The following SSBP2 variants were observed in gnomAD, a reference collection of about 807,000 sequenced individuals.
The protein encoded by SSBP2 is single stranded DNA binding protein 2.
Under a neutral mutation model 61.8 loss-of-function variants are expected in SSBP2, and 17 were observed. That is an observed-to-expected ratio of 0.28 (90% CI 0.19 to 0.41). SSBP2 has a LOEUF of 0.41. SSBP2 is among the 10% of genes least tolerant of loss of function. The pLI is 1.00. For missense variants in SSBP2, 310 were observed against 458.7 expected (o/e 0.68, Z 2.96); for synonymous variants, 139 against 141.3 (o/e 0.98, Z 0.12).
At chr5:81,551,352 T>C (rs1284809401) in intron 4 of SSBP2, among the ~76,000 whole-genome samples, 2 of 152,150 alleles carry the variant, frequency 1.3e-5, no homozygotes, top group Non-Finnish European at 2.9e-5. Flanking sequence ...ATATTCAACA[T>C]AAGCATAATC....
intron 1 of SSBP2, among the ~76,000 whole-genome samples, chr5:81,662,411 G>C (rs1320018921): frequency 3.3e-5 from 5 of 152,144 alleles, no homozygotes; most frequent in Admixed American, 3.3e-4. Flanking sequence ...AGGTTGCAGT[G>C]AGCTGAGATC....
rs1157006368 is a variant in SSBP2, at chr5:81,717,960, AGCTGACGCAT to A, written c.62+33011_62+33020del. 3.3e-5 allele frequency among the ~76,000 whole-genome samples: 5 copies of A among 152,186 alleles called. No homozygotes were observed. The South Asian group carries it at 1.0e-3, about 31-fold the overall frequency. On this transcript the variant is annotated intron_variant, in intron 1 of 16. Transcript: ENST00000320672. ...CGTAAAACAAATGTTGTCAATATAC[AGCTGACGCAT>A]GCTGGTGCCTCTTCAGACTTCACTT...
chr5:81,739,164 CAAAAAAAAAAAA>C (rs71000859), intron 1 of SSBP2, among the ~76,000 whole-genome samples: 9 of 51,100 alleles, frequency 1.8e-4, no homozygotes, highest in South Asian at 1.6e-3. Flanking sequence ...ACTCCATCTC[CAAAAAAAAAAAA>C]AAAAAAAAAA....
chr5:81,526,662 C>T (rs1234260305), intron 4 of SSBP2, among the ~76,000 whole-genome samples: 3 of 151,852 alleles, frequency 2.0e-5, no homozygotes, highest in Non-Finnish European at 4.4e-5. Flanking sequence ...TTTAAATCAA[C>T]CTTTTGAATT....
At chr5:81,613,610 T>C (rs575676614) in intron 4 of SSBP2, among the ~76,000 whole-genome samples, 1 of 152,340 alleles carries the variant, frequency 6.6e-6, no homozygotes, top group South Asian at 2.1e-4. Flanking sequence ...AGTATTTATA[T>C]GATTAATTTC....
At chr5:81,604,350 A>G (rs1163593823) in intron 4 of SSBP2, among the ~76,000 whole-genome samples, 2 of 151,956 alleles carry the variant, frequency 1.3e-5, no homozygotes, top group South Asian at 2.1e-4. Flanking sequence ...GTAACCTGAA[A>G]AGAAATTCTT....
In SSBP2 at chr5:81,729,197, CT is replaced by C. The variant is rs572346312; in HGVS notation, c.62+21783del. Among the ~76,000 whole-genome samples, 463 of 152,154 alleles carry C rather than the reference CT, an allele frequency of 3.0e-3. 3 individuals carry two copies. Among genetic ancestry groups the C allele is most frequent in the Non-Finnish European group, 5.9e-3 (403 of 67,990 alleles). On this transcript the variant is annotated intron_variant, in intron 1 of 16. Transcript: ENST00000320672. Reference sequence around the variant, plus strand: ...ATATGCTGTCCTCAATTTCTCAATACTTTCAAAGTGTTAAACTTACTCATTT... The same window carrying C: ...ATATGCTGTCCTCAATTTCTCAATACTTCAAAGTGTTAAACTTACTCATTT...
chr5:81,698,672 G>A (rs1424805984), intron 1 of SSBP2, among the ~76,000 whole-genome samples: 1 of 152,168 alleles, frequency 6.6e-6, no homozygotes, highest in Non-Finnish European at 1.5e-5. Flanking sequence ...ATTAACTGTG[G>A]TGGTGCATGC....
Position 81,601,356 on chromosome 5 carries a change from G to T in SSBP2, c.282+14117C>A, listed in dbSNP as rs534152625. ...ATAAAAGAGCAACAGGAGGATCCTT[G>T]TGGTTCTATATCTTGACTCAGGTAG... On this transcript the variant is annotated intron_variant, in intron 4 of 16. Transcript: ENST00000320672. Among the ~76,000 whole-genome samples the T allele has an allele frequency of 9.9e-5, 15 of 152,246 alleles. No homozygotes were observed. In the East Asian group the frequency reaches 2.9e-3, roughly 29 times the overall value.
chr5:81,419,144 G>T lies in SSBP2; in HGVS notation c.*1360C>A, dbSNP rs1204694230. ...ATAGAGCAAGGTGCTTTCCATAAGG[G>T]AATTAGATTAAAAAAAATTTACTTA... On this transcript the variant is annotated 3_prime_UTR_variant, in exon 17 of 17. Coordinates refer to ENST00000320672, the MANE Select transcript of SSBP2 (RefSeq NM_012446.5). The T allele has an allele frequency of 2.6e-5, 4 of 152,148 alleles. No individual in the cohort carries two copies. Among genetic ancestry groups the T allele is most frequent in the Non-Finnish European group, 5.9e-5 (4 of 68,026 alleles). The allele number at this position is 152,148 out of a possible 1,614,324, so 9.4% of individuals were successfully genotyped here. A position where few individuals can be genotyped will look rare whatever the true frequency, so the allele number is the denominator to read the frequency against.
At chr5:81,597,385 T>C (rs962601788) in intron 4 of SSBP2, among the ~76,000 whole-genome samples, 5 of 152,088 alleles carry the variant, frequency 3.3e-5, no homozygotes, top group African/African-American at 1.2e-4. Flanking sequence ...TGTGGAGAAA[T>C]AGGGACACTT....
intron 2 of SSBP2, among the ~76,000 whole-genome samples, chr5:81,639,847 A>G (rs1383355168): frequency 6.6e-6 from 1 of 152,188 alleles, no homozygotes; most frequent in African/African-American, 2.4e-5. Flanking sequence ...ACTTTTTAAA[A>G]GTTTTAAAAC....
intron 3 of SSBP2, chr5:81,615,988 C>T (rs1395505548): frequency 6.5e-6 from 1 of 154,644 alleles, no homozygotes; most frequent in African/African-American, 2.4e-5. Context: ...AGGCCAATAC[C>T]CTGACCATTA....
At chr5:81,653,719 T>A (rs1749960936) in intron 1 of SSBP2, among the ~76,000 whole-genome samples, 1 of 152,200 alleles carries the variant, frequency 6.6e-6, no homozygotes, top group African/African-American at 2.4e-5. Context: ...CTTTTTTTCA[T>A]GTTTGTTGGC....
chr5:81,565,095 T>C (rs1219201435), intron 4 of SSBP2, among the ~76,000 whole-genome samples: 1 of 152,222 alleles, frequency 6.6e-6, no homozygotes, highest in East Asian at 1.9e-4. Context: ...CCCTTTTCAA[T>C]AGTGATGCTT....
intron 4 of SSBP2, among the ~76,000 whole-genome samples, chr5:81,614,187 C>T (rs1242670185): frequency 6.6e-6 from 1 of 151,940 alleles, no homozygotes; most frequent in Admixed American, 6.5e-5. Flanking sequence ...GGTGAAACCC[C>T]GTTTCTACTA....
intron 10 of SSBP2, among the ~76,000 whole-genome samples, chr5:81,451,126 A>C (rs995657132): frequency 5.3e-5 from 8 of 152,202 alleles, no homozygotes; most frequent in African/African-American, 1.9e-4. Context: ...TTTTAAGCTA[A>C]CAGTGGTTTA....
chr5:81,457,941 T>A (rs1385867799), intron 10 of SSBP2, among the ~76,000 whole-genome samples: 4 of 152,114 alleles, frequency 2.6e-5, no homozygotes, highest in Non-Finnish European at 5.9e-5. Flanking sequence ...GGATTACAGG[T>A]GTGAGCCACT....
intron 1 of SSBP2, among the ~76,000 whole-genome samples, chr5:81,745,369 G>A (rs534645378): frequency 6.6e-6 from 1 of 152,166 alleles, no homozygotes; most frequent in African/African-American, 2.4e-5. Context: ...AACCTTGCAT[G>A]AATACATGCT....
Sources: allele counts gnomAD v4.1 joint callset (sites outside exome capture counted in the v4.1 genomes callset), GRCh38; gene constraint gnomAD v4.1.1; transcripts MANE v1.5; gene names NCBI Gene and HGNC (gene_info 2026-07-23, HGNC 2026-07-21).